Variants in KRIT1 observed in about 807,000 individuals in gnomAD.
KRIT1 encodes krev interaction trapped protein 1.
KRIT1 carries 45 observed loss-of-function variants against 95.8 expected under a neutral mutation model. The ratio of observed to expected loss-of-function variants is 0.47; its 90% CI spans 0.37 to 0.60. KRIT1 has a LOEUF of 0.60. KRIT1 is among the 20% of genes least tolerant of loss of function. The pLI, the probability that KRIT1 is intolerant of heterozygous loss-of-function variation, is 0.00. For missense variants in KRIT1, 788 were observed against 877.5 expected (o/e 0.90, Z 1.29); for synonymous variants, 282 against 278.8 (o/e 1.01, Z -0.11).
intron 5 of KRIT1, among the ~76,000 whole-genome samples, chr7:92,240,176 T>C (rs1799316397): frequency 6.6e-6 from 1 of 152,184 alleles, no homozygotes; most frequent in South Asian, 2.1e-4. Context: ...GTTATGTATC[T>C]CTAGAAAACA....
In KRIT1 at chr7:92,222,682, T is replaced by G. The variant is rs1225414310; in HGVS notation, c.1411+140A>C. On this transcript the variant is annotated intron_variant, in intron 13 of 18. Coordinates refer to ENST00000394505, the MANE Select transcript of KRIT1 (RefSeq NM_194454.3). The stretch of plus-strand genomic sequence containing the variant: ...TTACCTGTTTCAGCAGTTTGAACAC[T>G]AGTAATTTATATAAAAGAGAAGAAC... 11 of 646,242 alleles carry G rather than the reference T, an allele frequency of 1.7e-5. No homozygotes were observed. The South Asian group carries it at 1.7e-4, about 10-fold the overall frequency. The allele number at this position is 646,242 out of a possible 1,614,324, so 40.0% of individuals were successfully genotyped here. A position where few individuals can be genotyped will look rare whatever the true frequency, so the allele number is the denominator to read the frequency against.
rs529937203 is a variant in KRIT1, at chr7:92,200,679, C to T, written c.*57G>A. On this transcript the variant is annotated 3_prime_UTR_variant, in exon 19 of 19. Transcript: ENST00000394505. Reference sequence around the variant, plus strand: ...AAGTAATATTTTAAGAAATCTTTCACGGAAAAAAAACTCTGCATTACAAAA... The same window carrying T: ...AAGTAATATTTTAAGAAATCTTTCATGGAAAAAAAACTCTGCATTACAAAA... The T allele has an allele frequency of 2.2e-4, 251 of 1,149,714 alleles. 2 individuals carry two copies. In the South Asian group the frequency reaches 2.8e-3, roughly 13 times the overall value. The allele number at this position is 1,149,714 out of a possible 1,614,324, so 71.2% of individuals were successfully genotyped here.
rs1258414309 is a variant in KRIT1 at position 92,241,134 on chromosome 7, G to C, written c.121C>G (p.Pro41Ala). 6.2e-6 allele frequency: 10 copies of C among 1,609,430 alleles called. No individual in the cohort carries two copies. Among genetic ancestry groups the C allele is most frequent in the Non-Finnish European group, 7.7e-6 (9 of 1,176,352 alleles). Residue 41 changes from proline to alanine, a missense_variant, in exon 5 of 19, where the codon CCC (proline) becomes GCC (alanine). By Grantham distance (27) the Pro-to-Ala change is conservative. This residue lies in a region of KRIT1 where 289 missense variants were observed against 277.5 expected (regional missense o/e 1.04). Transcript: ENST00000394505. ...CTCTTTTTTTTCTGTCCTTCAATGG[G>C]AACTTCATGCAACAAAATCTTAGAT... is the stretch of plus-strand genomic sequence containing the variant. ...KSYEILLHEV[P>A]IEGQKKKRKK... is the part of the protein sequence containing the mutation.
At chr7:92,208,789 C>T (rs544956865) in intron 17 of KRIT1, among the ~76,000 whole-genome samples, 5 of 152,038 alleles carry the variant, frequency 3.3e-5, no homozygotes, top group Admixed American at 2.6e-4. Context: ...TGAAGAATAC[C>T]AACTTTCTTA....
intron 5 of KRIT1, among the ~76,000 whole-genome samples, chr7:92,240,409 T>C (rs898635574): frequency 6.6e-6 from 1 of 152,212 alleles, no homozygotes; most frequent in Non-Finnish European, 1.5e-5. Context: ...ACTTTTTAAA[T>C]TGTAGTAACT....
intron 10 of KRIT1, among the ~76,000 whole-genome samples, chr7:92,234,035 A>G (rs1309444410): frequency 6.6e-6 from 1 of 152,242 alleles, no homozygotes; most frequent in Non-Finnish European, 1.5e-5. Context: ...CACTAAAAGG[A>G]TACTTTTATA....
At chr7:92,205,360 CA>C (rs939963938) in intron 17 of KRIT1, among the ~76,000 whole-genome samples, 2 of 151,562 alleles carry the variant, frequency 1.3e-5, no homozygotes, top group African/African-American at 2.4e-5. Flanking sequence ...ACAACAACAA[CA>C]AAAAAGACAC....
Position 92,226,462 on chromosome 7 carries a change from T to A in KRIT1, c.1146+64A>T, listed in dbSNP as rs560241766. ...ACTCTCAAACATACAATTTAACATT[T>A]TAGTGTCATTACTTGTTATTCACTG... On this transcript the variant is annotated intron_variant, in intron 11 of 18. Coordinates refer to ENST00000394505, the MANE Select transcript of KRIT1 (RefSeq NM_194454.3). 5.0e-6 allele frequency: 6 copies of A among 1,190,402 alleles called. No homozygotes were observed. The Admixed American group carries it at 1.0e-4, about 20-fold the overall frequency. The allele number at this position is 1,190,402 out of a possible 1,614,324, so 73.7% of individuals were successfully genotyped here. A position where few individuals can be genotyped will look rare whatever the true frequency, so the allele number is the denominator to read the frequency against.
At chr7:92,242,282 T>C in intron 3 of KRIT1, 145 bp from the exon 4 acceptor site, 1 of 631,124 alleles carries the variant, frequency 1.6e-6, no homozygotes, top group East Asian at 2.8e-5. Context: ...AAATGTTCTC[T>C]ATCCTAGAAT....
chr7:92,222,435 TAGGTTGATTTTAAATAAAA>T lies in KRIT1; in HGVS notation c.1411+368_1412-383del, dbSNP rs1485525848. On this transcript the variant is annotated intron_variant, in intron 13 of 18. Transcript: ENST00000394505. ...CTTTGAAGAACAAATATATAGTCAT[TAGGTTGATTTTAAATAAAA>T]AGGTTGATTTTAAATAGAAAACTAA... is the stretch of plus-strand genomic sequence containing the variant. 1.2e-4 allele frequency among the ~76,000 whole-genome samples: 19 copies of T among 152,236 alleles called. No individual in the cohort carries two copies. In the South Asian group the frequency reaches 2.7e-3, roughly 22 times the overall value.
At chr7:92,230,060 G>A (rs6953959) in intron 10 of KRIT1, among the ~76,000 whole-genome samples, 38,812 of 152,056 alleles carry the variant, frequency 0.26, 5,255 homozygotes, top group Non-Finnish European at 0.31. Flanking sequence ...TAGTGAGGTA[G>A]CAATTCGAGA....
rs1057517753 is a variant in KRIT1 at position 92,225,769 on chromosome 7, TTTTG to T, written c.1201_1204del (p.Gln401ThrfsTer10). On this transcript the variant is annotated frameshift_variant, in exon 12 of 19. Coordinates refer to ENST00000394505, the MANE Select transcript of KRIT1 (RefSeq NM_194454.3). LOFTEE classifies it high-confidence loss of function. Reference sequence around the variant, plus strand: ...CAATTTTGCAGCTTCTTCCCAGTTGTTTTGTTTGTTTTCTTCACAAATATTTAAT... The same window carrying T: ...CAATTTTGCAGCTTCTTCCCAGTTGTTTTGTTTTCTTCACAAATATTTAAT... 1.2e-6 allele frequency: 2 copies of T among 1,611,454 alleles called. No individual in the cohort carries two copies. The highest frequency in any genetic ancestry group is 1.7e-6 in the Non-Finnish European group (2 of 1,177,722).
chr7:92,238,079 G>C lies in KRIT1; in HGVS notation c.263-320C>G, dbSNP rs187638546. On this transcript the variant is annotated intron_variant, in intron 5 of 18. Coordinates refer to ENST00000394505, the MANE Select transcript of KRIT1 (RefSeq NM_194454.3). Reference sequence around the variant, plus strand: ...GGGTCAATATGCATATACCACCTCAGTCATCTAGAATAGAGACAGTAAGAA... The same window carrying C: ...GGGTCAATATGCATATACCACCTCACTCATCTAGAATAGAGACAGTAAGAA... 2.1e-3 allele frequency among the ~76,000 whole-genome samples: 326 copies of C among 152,184 alleles called. 4 individuals carry two copies. The highest frequency in any genetic ancestry group is 7.2e-3 in the African/African-American group (301 of 41,544).
At chr7:92,239,357 A>G (rs1172805420) in intron 5 of KRIT1, among the ~76,000 whole-genome samples, 2 of 152,224 alleles carry the variant, frequency 1.3e-5, no homozygotes, top group Non-Finnish European at 2.9e-5. Flanking sequence ...TTTTAGGTCT[A>G]TAATGATTTG....
At chr7:92,217,282 T>C (rs1002537619) in intron 14 of KRIT1, among the ~76,000 whole-genome samples, 1 of 152,180 alleles carries the variant, frequency 6.6e-6, no homozygotes, top group South Asian at 2.1e-4. Flanking sequence ...AAAACAGATA[T>C]AATATTTGTC....
At chr7:92,201,546 ATTATTATAC>A in intron 17 of KRIT1, 123 bp from the exon 18 acceptor site, 1 of 698,188 alleles carries the variant, frequency 1.4e-6, no homozygotes, top group Non-Finnish European at 2.6e-6. Context: ...TTTTCTAAAA[ATTATTATAC>A]TTTAAGTTCT....
intron 10 of KRIT1, among the ~76,000 whole-genome samples, chr7:92,234,220 T>C (rs1348601262): frequency 6.6e-6 from 1 of 152,188 alleles, no homozygotes; most frequent in East Asian, 1.9e-4. Context: ...TATCCTACTA[T>C]ATGACCTGGC....
intron 5 of KRIT1, among the ~76,000 whole-genome samples, chr7:92,239,690 CAG>C (rs1228889229): frequency 6.7e-6 from 1 of 149,376 alleles, no homozygotes; most frequent in Non-Finnish European, 1.5e-5. Context: ...GTGTTTATCA[CAG>C]ATCATATGCA....
intron 10 of KRIT1, among the ~76,000 whole-genome samples, chr7:92,227,587 T>C (rs535793801): frequency 1.3e-5 from 2 of 152,102 alleles, no homozygotes; most frequent in Non-Finnish European, 1.5e-5. Flanking sequence ...CAGGCTGGAG[T>C]GCAGTGGTGC....
Sources: gnomAD v4.1 joint callset for allele counts (sites outside exome capture counted in the v4.1 genomes callset) on GRCh38, gnomAD v4.1.1 for gene constraint, gnomAD v4.1.1 regional missense constraint, MANE v1.5 for transcripts, NCBI Gene and HGNC (gene_info 2026-07-23, HGNC 2026-07-21) for gene names.